Variants in BMPER observed in about 807,000 individuals in gnomAD.
BMPER encodes BMP-binding endothelial regulator protein.
A neutral mutation model predicts 87.3 loss-of-function variants in BMPER; 45 were observed. That is an observed-to-expected ratio of 0.52 (90% confidence interval 0.41 to 0.66). The LOEUF is 0.66. BMPER is among the 30% of genes least tolerant of loss of function. BMPER has a pLI of 0.00. For missense variants in BMPER, 784 were observed against 867.5 expected, an observed-to-expected ratio of 0.90 and a Z score of 1.21; for synonymous variants, 326 against 316.2, an observed-to-expected ratio of 1.03 and a Z score of -0.33.
At chr7:33,950,932 G>A (rs58552956) in intron 3 of BMPER, among the ~76,000 whole-genome samples, 4,844 of 152,170 alleles carry the variant, frequency 0.032, 271 homozygotes, top group African/African-American at 0.11. Flanking sequence ...GCTAGCAAAC[G>A]CTTGCTTGCT....
intron 6 of BMPER, among the ~76,000 whole-genome samples, chr7:34,011,258 C>G (rs763993202): frequency 5.3e-5 from 8 of 151,684 alleles, no homozygotes; most frequent in Non-Finnish European, 1.0e-4. Flanking sequence ...CTCAGTAGGT[C>G]TGGGGTGAGG....
At chr7:34,026,056 G>C (rs115647196) in intron 6 of BMPER, among the ~76,000 whole-genome samples, 1 of 151,946 alleles carries the variant, frequency 6.6e-6, no homozygotes, top group East Asian at 1.9e-4. Context: ...CCTACTTTGG[G>C]TTCAACGTTA....
At chr7:34,003,670 G>A (rs1786649834) in intron 6 of BMPER, among the ~76,000 whole-genome samples, 1 of 151,952 alleles carries the variant, frequency 6.6e-6, no homozygotes, top group Non-Finnish European at 1.5e-5. Context: ...TTTCTCCCTT[G>A]TGTTGCAACA....
chr7:34,056,906 G>A (rs1036960762), intron 9 of BMPER, among the ~76,000 whole-genome samples: 1 of 152,160 alleles, frequency 6.6e-6, no homozygotes, highest in Admixed American at 6.5e-5. Flanking sequence ...GTGAGCCACC[G>A]CGCCCGGCTG....
chr7:33,974,656 C>T (rs760840321), intron 5 of BMPER, 46 bp from the exon 6 acceptor site: 49 of 1,571,504 alleles, frequency 3.1e-5, no homozygotes, highest in Non-Finnish European at 3.8e-5. Context: ...TCAGGTTGAA[C>T]GATGATGGCT....
At chr7:34,008,016 T>C (rs1337393562) in intron 6 of BMPER, among the ~76,000 whole-genome samples, 6 of 152,048 alleles carry the variant, frequency 3.9e-5, no homozygotes, top group Non-Finnish European at 7.4e-5. Context: ...TATTAAGTTA[T>C]TTTAGTTTTA....
At chr7:34,001,302 C>A (rs1408360862) in intron 6 of BMPER, among the ~76,000 whole-genome samples, 1 of 151,644 alleles carries the variant, frequency 6.6e-6, no homozygotes, top group Non-Finnish European at 1.5e-5. Context: ...TGGGCCTGGG[C>A]TTTTCTTCAT....
At chr7:34,128,649 T>A (rs1042045271) in intron 13 of BMPER, among the ~76,000 whole-genome samples, 1 of 152,198 alleles carries the variant, frequency 6.6e-6, no homozygotes, top group African/African-American at 2.4e-5. Context: ...TGTTATATAA[T>A]GTGTTTGAAG....
intron 2 of BMPER, among the ~76,000 whole-genome samples, chr7:33,931,326 C>T (rs1420610824): frequency 1.3e-5 from 2 of 152,184 alleles, no homozygotes; most frequent in East Asian, 1.9e-4. Context: ...GTAAGCCAGG[C>T]TGGGAACTGG....
intron 6 of BMPER, among the ~76,000 whole-genome samples, chr7:34,019,404 G>T (rs1787121076): frequency 6.6e-6 from 1 of 151,976 alleles, no homozygotes; most frequent in South Asian, 2.1e-4. Flanking sequence ...CTCCAACTCA[G>T]ATTTTACTTC....
At chr7:33,921,083 G>A (rs933028359) in intron 2 of BMPER, among the ~76,000 whole-genome samples, 1 of 151,960 alleles carries the variant, frequency 6.6e-6, no homozygotes, top group Non-Finnish European at 1.5e-5. Flanking sequence ...CTTTATATTG[G>A]TTACTTTTTT....
chr7:33,987,648 A>C (rs887782035), intron 6 of BMPER, among the ~76,000 whole-genome samples: 7 of 151,954 alleles, frequency 4.6e-5, no homozygotes, highest in Non-Finnish European at 1.0e-4. Flanking sequence ...CTCCAGTGTC[A>C]AACATGTCTA....
intron 2 of BMPER, among the ~76,000 whole-genome samples, chr7:33,916,267 C>G (rs1784085443): frequency 6.6e-6 from 1 of 152,206 alleles, no homozygotes; most frequent in Admixed American, 6.5e-5. Context: ...CTTTTCAAAG[C>G]TTCACCTGCT....
intron 14 of BMPER, among the ~76,000 whole-genome samples, chr7:34,143,577 A>T (rs1790934473): frequency 6.6e-6 from 1 of 152,204 alleles, no homozygotes; most frequent in Non-Finnish European, 1.5e-5. Flanking sequence ...TGTGACAAGC[A>T]TATTTAAGCA....
At chr7:34,150,566 A>G (rs916210644) in intron 14 of BMPER, among the ~76,000 whole-genome samples, 1 of 152,208 alleles carries the variant, frequency 6.6e-6, no homozygotes, top group Non-Finnish European at 1.5e-5. Flanking sequence ...ATGTTTCCAA[A>G]TCATTAAGCA....
chr7:34,079,538 G>T (rs955140839), intron 12 of BMPER, among the ~76,000 whole-genome samples: 1 of 152,058 alleles, frequency 6.6e-6, no homozygotes, highest in Admixed American at 6.5e-5. Flanking sequence ...CTTTTAGGCC[G>T]TCGATGCCCA....
intron 13 of BMPER, among the ~76,000 whole-genome samples, chr7:34,108,189 G>A (rs993137850): frequency 6.6e-6 from 1 of 152,180 alleles, no homozygotes; most frequent in South Asian, 2.1e-4. Context: ...TGCTATTGAC[G>A]GGTTAATGGA....
intron 11 of BMPER, among the ~76,000 whole-genome samples, chr7:34,068,212 A>C (rs1368251473): frequency 6.6e-6 from 1 of 152,188 alleles, no homozygotes. Context: ...AGTTGAGGGA[A>C]CTGAGGCTTA....
intron 6 of BMPER, among the ~76,000 whole-genome samples, chr7:33,986,289 C>T (rs1371076236): frequency 2.0e-5 from 3 of 152,168 alleles, no homozygotes; most frequent in African/African-American, 7.2e-5. Flanking sequence ...CTCCTCTGCC[C>T]ATCTCTTTCT....
Sources: allele counts gnomAD v4.1 joint callset (sites outside exome capture counted in the v4.1 genomes callset), GRCh38; gene constraint gnomAD v4.1.1; transcripts MANE v1.5; gene names NCBI Gene and HGNC (gene_info 2026-07-23, HGNC 2026-07-21).